The following ANO2 variants were observed in gnomAD, a reference collection of about 807,000 sequenced individuals.
ANO2 encodes anoctamin 2, also known as anoctamin-2.
In ANO2, 101 loss-of-function variants were observed where a neutral mutation model predicts 124.2. That is an observed-to-expected ratio of 0.81 (90% CI 0.69 to 0.96). The LOEUF (loss-of-function observed/expected upper bound fraction) is 0.96. Among genes scored for constraint, ANO2 ranks in the 40% least tolerant of loss-of-function variants. ANO2 has a pLI of 0.00. For synonymous variants in ANO2, 486 were observed against 482.5 expected (o/e 1.01, Z -0.09); for missense variants, 1,293 against 1,274.5 (o/e 1.01, Z -0.22).
At chr12:5,824,603 T>C (rs1250713326) in intron 7 of ANO2, among the ~76,000 whole-genome samples, 1 of 152,210 alleles carries the variant, frequency 6.6e-6, no homozygotes, top group Non-Finnish European at 1.5e-5. Context: ...AGTTCCAAAC[T>C]TTCCCACATT....
At chr12:5,941,346 A>G (rs1274123472) in intron 1 of ANO2, among the ~76,000 whole-genome samples, 1 of 152,240 alleles carries the variant, frequency 6.6e-6, no homozygotes, top group Non-Finnish European at 1.5e-5. Flanking sequence ...GGGTGGGATT[A>G]ACAGCAAACT....
chr12:5,805,069 G>C (rs778234696), intron 9 of ANO2, among the ~76,000 whole-genome samples: 24 of 152,040 alleles, frequency 1.6e-4, no homozygotes, highest in Non-Finnish European at 3.2e-4. Context: ...ATAGAAAACA[G>C]ATGAGGTTAA....
intron 1 of ANO2, among the ~76,000 whole-genome samples, chr12:5,928,235 T>C (rs12820738): frequency 0.21 from 32,079 of 152,036 alleles, 3,716 homozygotes; most frequent in South Asian, 0.32. Flanking sequence ...TACTGTCTCA[T>C]TCCTAACTCC....
chr12:5,636,884 G>T lies in ANO2; in HGVS notation c.1621-1537C>A, dbSNP rs1471146084. Among the ~76,000 whole-genome samples, 1 of 152,070 alleles carries T rather than the reference G, an allele frequency of 6.6e-6. No individual in the cohort carries two copies. The highest frequency in any genetic ancestry group is 2.4e-5 in the African/African-American group (1 of 41,392). On this transcript the variant is annotated intron_variant, in intron 15 of 24. Transcript: ENST00000682330. This position sits in a 1 kb window ranked among gnomAD's most constrained non-coding sequence, Gnocchi z 4.6. The stretch of plus-strand genomic sequence containing the variant: ...CAGACTCAGCTCTTTATCCTGGTAG[G>T]CTTCAAAAAATACCAGTAATTGCCC...
intron 14 of ANO2, among the ~76,000 whole-genome samples, chr12:5,651,276 A>G (rs2136960255): frequency 6.6e-6 from 1 of 152,344 alleles, no homozygotes; most frequent in South Asian, 2.1e-4. Flanking sequence ...AAAACCACAT[A>G]AGTGCCCTTT....
intron 16 of ANO2, among the ~76,000 whole-genome samples, chr12:5,623,222 G>C (rs906517320): frequency 1.1e-4 from 17 of 152,098 alleles, no homozygotes; most frequent in Admixed American, 7.9e-4. Context: ...CATGGCTATG[G>C]GGATACGATG....
chr12:5,779,512 G>A (rs374295702), intron 10 of ANO2, among the ~76,000 whole-genome samples: 6 of 152,250 alleles, frequency 3.9e-5, no homozygotes, highest in South Asian at 2.1e-4. Flanking sequence ...TCCTCCATGC[G>A]AAAAGTCATG....
At chr12:5,884,665 G>A (rs528584331) in intron 3 of ANO2, among the ~76,000 whole-genome samples, 215 of 152,318 alleles carry the variant, frequency 1.4e-3, no homozygotes, top group Non-Finnish European at 2.6e-3. Flanking sequence ...CTGAGAGTGT[G>A]CATTGGAAGG....
intron 3 of ANO2, among the ~76,000 whole-genome samples, chr12:5,876,150 A>C (rs1238732243): frequency 6.6e-6 from 1 of 152,210 alleles, no homozygotes; most frequent in Non-Finnish European, 1.5e-5. Flanking sequence ...CATTGAAATT[A>C]AGTCCTAGAA....
chr12:5,646,163 G>A (rs1946628996), intron 15 of ANO2, among the ~76,000 whole-genome samples: 1 of 152,060 alleles, frequency 6.6e-6, no homozygotes, highest in Non-Finnish European at 1.5e-5. Context: ...TATCCTCCCT[G>A]CTCCCATAAA....
In ANO2 at chr12:5,670,437, C is replaced by G. The variant is rs117884298; in HGVS notation, c.1546-22636G>C. Among the ~76,000 whole-genome samples the G allele has an allele frequency of 3.9e-3, 601 of 152,230 alleles. 2 individuals carry two copies. Among genetic ancestry groups the G allele is most frequent in the Non-Finnish European group, 6.1e-3 (418 of 68,016 alleles). On this transcript the variant is annotated intron_variant, in intron 14 of 24. Transcript: ENST00000682330. ...AATAGAGATGACACAAAACTGGGAG[C>G]TGACAATTACTGAAGTTGGATGAAA...
intron 12 of ANO2, 119 bp downstream of exon 12, chr12:5,744,038 T>G (rs1292906590): frequency 1.6e-6 from 2 of 1,216,178 alleles, no homozygotes; most frequent in East Asian, 2.4e-5. Context: ...AAATACTTCT[T>G]GTGATGGGAA....
In ANO2 at chr12:5,584,139, C is replaced by CA. The variant is rs140461271; in HGVS notation, c.2234-5622_2234-5621insT. 16 of 162,082 alleles carry CA rather than the reference C, an allele frequency of 9.9e-5. No individual in the cohort carries two copies. In the South Asian group the frequency reaches 1.7e-3, roughly 17 times the overall value. The allele number at this position is 162,082 out of a possible 1,614,324, so 10.0% of individuals were successfully genotyped here. A position where few individuals can be genotyped will look rare whatever the true frequency, so the allele number is the denominator to read the frequency against. On this transcript the variant is annotated intron_variant, in intron 20 of 24. Coordinates refer to ENST00000682330, the MANE Select transcript of ANO2 (RefSeq NM_001364791.2). Reference sequence around the variant, plus strand: ...TCCTTAATTTAATGAACACCCCCCCCCCGCCGCAAGAATATTAATGTTGAT... The same window carrying CA: ...TCCTTAATTTAATGAACACCCCCCCCACCGCCGCAAGAATATTAATGTTGAT...
At chr12:5,888,411 C>G (rs534066632) in intron 3 of ANO2, among the ~76,000 whole-genome samples, 1 of 152,136 alleles carries the variant, frequency 6.6e-6, no homozygotes, top group Non-Finnish European at 1.5e-5. Context: ...AGCGGATTGC[C>G]ACCGCTGGCT....
At chr12:5,608,743 C>T (rs1021655666) in intron 19 of ANO2, 8 of 152,220 alleles carry the variant, frequency 5.3e-5, no homozygotes, top group African/African-American at 1.9e-4. Context: ...GCCTTCAAGG[C>T]ATACGCCATG....
At position 5,657,906 on chromosome 12, in the gene ANO2, T is replaced by TC. The variant is rs573267203; in HGVS notation, c.1546-10106dup. Among the ~76,000 whole-genome samples the TC allele has an allele frequency of 7.2e-5, 11 of 152,312 alleles. No homozygotes were observed. The South Asian group carries it at 1.2e-3, about 17-fold the overall frequency. ...TACACTGAGAGGAGTTATGCTGTGATCTCCTGGCTTGTGACTTCAGGCCAC... is the reference window on the plus strand; with the variant it reads ...TACACTGAGAGGAGTTATGCTGTGATCCTCCTGGCTTGTGACTTCAGGCCAC... On this transcript the variant is annotated intron_variant, in intron 14 of 24. Transcript: ENST00000682330.
Position 5,839,425 on chromosome 12 carries a change from G to A in ANO2, c.634-6822C>T, listed in dbSNP as rs77591493. On this transcript the variant is annotated intron_variant, in intron 4 of 24. Coordinates refer to ENST00000682330, the MANE Select transcript of ANO2 (RefSeq NM_001364791.2). ...ACTGGGTAGTGTGCTCAGATGACTCGGCAATGGAGGATAATCTGCCTTAGA... is the reference window on the plus strand; with the variant it reads ...ACTGGGTAGTGTGCTCAGATGACTCAGCAATGGAGGATAATCTGCCTTAGA... 3.7e-3 allele frequency among the ~76,000 whole-genome samples: 564 copies of A among 152,228 alleles called. 5 individuals are homozygous for A. The highest frequency in any genetic ancestry group is 0.013 in the African/African-American group (546 of 41,512).
intron 17 of ANO2, among the ~76,000 whole-genome samples, chr12:5,614,565 C>T (rs1203379616): frequency 6.6e-6 from 1 of 152,202 alleles, no homozygotes; most frequent in Non-Finnish European, 1.5e-5. Flanking sequence ...ACCTCCTAAA[C>T]CTGGCTCTAT....
rs115449763 is a variant in ANO2, at chr12:5,744,631, T to A, written c.1191-314A>T. 3.1e-3 allele frequency among the ~76,000 whole-genome samples: 469 copies of A among 152,246 alleles called. 5 individuals are homozygous for A. Among genetic ancestry groups the A allele is most frequent in the African/African-American group, 0.011 (441 of 41,558 alleles). On this transcript the variant is annotated intron_variant, in intron 11 of 24. Coordinates refer to ENST00000682330, the MANE Select transcript of ANO2 (RefSeq NM_001364791.2). Reference sequence around the variant, plus strand: ...TAAAGTCCCTTCAGAACATCTGGGGTCCATGAGGTTGGTGGAATGGGATGC... The same window carrying A: ...TAAAGTCCCTTCAGAACATCTGGGGACCATGAGGTTGGTGGAATGGGATGC...
Sources: gnomAD v4.1 joint callset for allele counts (sites outside exome capture counted in the v4.1 genomes callset) on GRCh38, gnomAD v4.1.1 for gene constraint, Gnocchi (gnomAD v3.1) non-coding constraint, MANE v1.5 for transcripts, NCBI Gene and HGNC (gene_info 2026-07-23, HGNC 2026-07-21) for gene names.